MYO9A: variants seen among roughly 807,000 people sequenced by gnomAD.
The protein encoded by MYO9A is myosin IXA.
In MYO9A, 103 loss-of-function variants were observed where a neutral mutation model predicts 293.3. The observed-to-expected ratio is 0.35, with a 90% confidence interval of 0.30 to 0.41. MYO9A has a LOEUF of 0.41. Among genes scored for constraint, MYO9A ranks in the 10% least tolerant of loss-of-function variants. MYO9A has a pLI of 1.00. For synonymous variants in MYO9A, 1,001 were observed against 1,035.7 expected (o/e 0.97, Z 0.64); for missense variants, 2,685 against 3,033.0 (o/e 0.89, Z 2.69).
At chr15:71,888,724 T>C (rs2057091308) in intron 26 of MYO9A, 1 of 152,234 alleles carries the variant, frequency 6.6e-6, no homozygotes. Context: ...CTAAAGACAA[T>C]CCTGTTCTGA....
At chr15:71,908,936 C>A (rs981970052) in intron 19 of MYO9A, among the ~76,000 whole-genome samples, 3 of 152,090 alleles carry the variant, frequency 2.0e-5, no homozygotes, top group Non-Finnish European at 4.4e-5. Context: ...TAGATCCTGG[C>A]GACTACTGAT....
At chr15:71,996,099 G>T (rs1288468394) in intron 9 of MYO9A, among the ~76,000 whole-genome samples, 1 of 151,976 alleles carries the variant, frequency 6.6e-6, no homozygotes, top group Non-Finnish European at 1.5e-5. Context: ...CAACTATCAA[G>T]AAAACCAATG....
chr15:71,956,350 T>TATATATATATATATATATATATATAA (rs1475961500), intron 14 of MYO9A, among the ~76,000 whole-genome samples: 5 of 121,168 alleles, frequency 4.1e-5, no homozygotes, highest in African/African-American at 1.3e-4. Flanking sequence ...TATATATATA[T>TATATATATATATATATATATATATAA]AAAATACGCC....
chr15:71,859,352 G>A (rs536919767), intron 34 of MYO9A, among the ~76,000 whole-genome samples: 1 of 152,274 alleles, frequency 6.6e-6, no homozygotes, highest in South Asian at 2.1e-4. Flanking sequence ...CCATGCTGGT[G>A]AATTTTGCTA....
chr15:72,078,302 T>C (rs973364189), intron 1 of MYO9A, among the ~76,000 whole-genome samples: 1 of 152,086 alleles, frequency 6.6e-6, no homozygotes, highest in African/African-American at 2.4e-5. Flanking sequence ...AAGACCAGCC[T>C]GGGCAATGTG....
intron 1 of MYO9A, among the ~76,000 whole-genome samples, chr15:72,106,566 G>C (rs967657458): frequency 5.3e-5 from 8 of 151,998 alleles, no homozygotes; most frequent in Non-Finnish European, 5.9e-5. Context: ...AACTATGTAA[G>C]TGCTTTACAT....
chr15:71,852,246 T>C lies in MYO9A; in HGVS notation c.6361A>G (p.Asn2121Asp). 1 of 1,610,538 alleles carries C rather than the reference T, an allele frequency of 6.2e-7. No homozygotes were observed. The highest frequency in any genetic ancestry group is 8.5e-7 in the Non-Finnish European group (1 of 1,177,642). Residue 2121 changes from asparagine (N) to aspartate (D), a missense_variant, in exon 36 of 42, where the codon AAT becomes GAT. By Grantham distance (23) the Asn-to-Asp change is conservative (BLOSUM62 1). This residue lies in a region of MYO9A where 238 missense variants were observed against 269.1 expected (regional missense o/e 0.88). Transcript: ENST00000356056. ...QGLDTDAESV[N>D]LDDYNIHVIA... is the part of the protein sequence containing the mutation. ...ACGTGTATGTTATAGTCATCTAGAT[T>C]TACACTCTCAGCATCTATTTAGAGA...
intron 14 of MYO9A, among the ~76,000 whole-genome samples, chr15:71,956,330 A>AAAATATATATAT (rs10642655): frequency 6.6e-5 from 5 of 75,584 alleles, no homozygotes; most frequent in African/African-American, 3.0e-4. Context: ...AAAAAAAAAA[A>AAAATATATATAT]ATATATATAT....
intron 28 of MYO9A, among the ~76,000 whole-genome samples, chr15:71,883,277 C>G (rs996346696): frequency 9.2e-5 from 14 of 152,064 alleles, no homozygotes; most frequent in African/African-American, 3.1e-4. Context: ...TAGTTATAAC[C>G]AGTAATACAT....
At chr15:71,892,849 G>A (rs1027911408) in intron 26 of MYO9A, 59 of 564,072 alleles carry the variant, frequency 1.0e-4, no homozygotes, top group Non-Finnish European at 1.4e-4. Flanking sequence ...TGTTCACTGA[G>A]GTTTCCCATG....
chr15:71,953,894 T>C (rs2059117798), intron 14 of MYO9A, among the ~76,000 whole-genome samples: 1 of 151,838 alleles, frequency 6.6e-6, no homozygotes, highest in African/African-American at 2.4e-5. Context: ...TTTTGTTTTG[T>C]TTTGTTTTGT....
chr15:72,032,320 G>A (rs1351664659), intron 3 of MYO9A, among the ~76,000 whole-genome samples, 174 bp downstream of exon 3: 2 of 152,024 alleles, frequency 1.3e-5, no homozygotes, highest in African/African-American at 4.8e-5. Context: ...CTGTTACATT[G>A]GTGTTAAAAT....
chr15:71,854,711 G>T, intron 34 of MYO9A, 142 bp from the exon 35 acceptor site: 3 of 573,050 alleles, frequency 5.2e-6, no homozygotes, highest in Non-Finnish European at 8.7e-6. Flanking sequence ...AGGGAATTAT[G>T]TTTAAGTAAG....
chr15:72,072,362 A>C (rs771907521), intron 1 of MYO9A, among the ~76,000 whole-genome samples: 18 of 152,052 alleles, frequency 1.2e-4, no homozygotes, highest in Non-Finnish European at 2.6e-4. Flanking sequence ...CGATCTCCTG[A>C]CCTCGTGATC....
intron 39 of MYO9A, among the ~76,000 whole-genome samples, chr15:71,833,511 AG>A (rs146066230): frequency 0.025 from 3,784 of 152,252 alleles, 153 homozygotes; most frequent in African/African-American, 0.088. Context: ...TTTAAAAAAT[AG>A]ACTATAATCA....
chr15:71,942,427 T>A (rs1332967273), intron 15 of MYO9A, among the ~76,000 whole-genome samples: 1 of 152,058 alleles, frequency 6.6e-6, no homozygotes, highest in Non-Finnish European at 1.5e-5. Flanking sequence ...CTCATCTTCC[T>A]TAATCCATAA....
Position 71,901,276 on chromosome 15 carries a change from C to G in MYO9A, c.3065G>C (p.Arg1022Thr), listed in dbSNP as rs1329800033. Residue 1022 changes from arginine (R) to threonine (T), a missense_variant, in exon 23 of 42, where the codon AGA becomes ACA. By Grantham distance (71) the Arg-to-Thr change is moderately conservative. Coordinates refer to ENST00000356056, the MANE Select transcript of MYO9A (RefSeq NM_006901.4). Reference sequence around the variant, plus strand: ...GAACCATCGCTGCAACAATATGATTCTGCGGAGCACCTCTTGGTGAAGCAG... The same window carrying G: ...GAACCATCGCTGCAACAATATGATTGTGCGGAGCACCTCTTGGTGAAGCAG... ...QDLLHQEVLR[R>T]IILLQRWFRV... The G allele has an allele frequency of 3.1e-6, 5 of 1,613,914 alleles. No homozygotes were observed. Among genetic ancestry groups the G allele is most frequent in the African/African-American group, 1.3e-5 (1 of 74,928 alleles).
At chr15:71,909,056 AG>A (rs2057757762) in intron 19 of MYO9A, among the ~76,000 whole-genome samples, 1 of 152,148 alleles carries the variant, frequency 6.6e-6, no homozygotes, top group Non-Finnish European at 1.5e-5. Flanking sequence ...TATGTATTTA[AG>A]GTTCCTGCAA....
At chr15:71,828,363 G>T (rs577278640) in intron 40 of MYO9A, among the ~76,000 whole-genome samples, 4 of 152,170 alleles carry the variant, frequency 2.6e-5, no homozygotes, top group Non-Finnish European at 4.4e-5. Context: ...TATCCATAAT[G>T]CATCAGGAAA....
Sources: allele counts gnomAD v4.1 joint callset (sites outside exome capture counted in the v4.1 genomes callset), GRCh38; gene constraint gnomAD v4.1.1; regional missense constraint gnomAD v4.1.1; transcripts MANE v1.5; gene names NCBI Gene and HGNC (gene_info 2026-07-23, HGNC 2026-07-21).